The following HARBI1 variants were observed in gnomAD, a reference collection of about 807,000 sequenced individuals.
The protein encoded by HARBI1 is harbinger transposase derived 1, also known as putative nuclease HARBI1.
In HARBI1, 15 loss-of-function variants were observed where a neutral mutation model predicts 25.3. The observed-to-expected ratio is 0.59, with a 90% CI of 0.40 to 0.91. The LOEUF (loss-of-function observed/expected upper bound fraction) is 0.91. HARBI1 is among the 40% of genes least tolerant of loss of function. The pLI is 0.00. For synonymous variants in HARBI1, 168 were observed against 160.5 expected, an observed-to-expected ratio of 1.05 and a Z score of -0.35; for missense variants, 396 against 445.8, an observed-to-expected ratio of 0.89 and a Z score of 1.01.
chr11:46,603,949 T>C (rs769041192), intron 2 of HARBI1, 40 bp from the exon 3 acceptor site: 8 of 1,547,574 alleles, frequency 5.2e-6, no homozygotes, highest in Non-Finnish European at 7.0e-6. Context: ...TGACTATAAG[T>C]GGAATAGAAA....
At chr11:46,610,984 A>T (rs1420170922) in intron 2 of HARBI1, among the ~76,000 whole-genome samples, 1 of 150,210 alleles carries the variant, frequency 6.7e-6, no homozygotes, top group Non-Finnish European at 1.5e-5. Context: ...TAAAAATGTT[A>T]ATATTATTAT....
intron 2 of HARBI1, chr11:46,604,361 C>T (rs2044859715): frequency 5.0e-6 from 4 of 795,710 alleles, no homozygotes; most frequent in Non-Finnish European, 4.6e-6. Context: ...GCCAAGATCA[C>T]GCCATTGCAC....
In HARBI1 at chr11:46,603,162, T is replaced by C. The variant is rs1343296303; in HGVS notation, c.*368A>G. 6.2e-6 allele frequency: 1 copy of C among 160,224 alleles called. No homozygotes were observed. The highest frequency in any genetic ancestry group is 1.8e-4 in the East Asian group (1 of 5,520). The allele number at this position is 160,224 out of a possible 1,614,324, so 9.9% of individuals were successfully genotyped here. A position where few individuals can be genotyped will look rare whatever the true frequency, so the allele number is the denominator to read the frequency against. On this transcript the variant is annotated 3_prime_UTR_variant, in exon 3 of 3. Transcript: ENST00000326737. ...ACCCGGCCGCTAATTTTTGTATTTT[T>C]AGTAGAGACGGGGTTTCACCATGTT...
At chr11:46,608,434 G>A (rs2045041542) in intron 2 of HARBI1, among the ~76,000 whole-genome samples, 2 of 151,976 alleles carry the variant, frequency 1.3e-5, no homozygotes, top group Admixed American at 6.6e-5. Flanking sequence ...AGAGACTAGT[G>A]TTTTCCAAAT....
rs770206258 is a variant in HARBI1 at position 46,615,649 on chromosome 11, G to A, written c.589C>T (p.Leu197=). ...MTVETNWPGS[L]QDCAVLQQSS... is the part of the protein sequence containing the mutation. ...TGCTGCAGCACAGCACAGTCCTGTA[G>A]GCTGCCGGGCCAGTTTGTCTCCACG... The change falls in exon 2 of 3, where the codon CTA becomes TTA. Residue 197 remains leucine, a synonymous_variant. Coordinates refer to ENST00000326737, the MANE Select transcript of HARBI1 (RefSeq NM_173811.4). 1.9e-6 allele frequency: 3 copies of A among 1,614,080 alleles called. No homozygotes were observed. Among genetic ancestry groups the A allele is most frequent in the East Asian group, 4.5e-5 (2 of 44,900 alleles).
chr11:46,613,927 T>TTG (rs2045281382), intron 2 of HARBI1, among the ~76,000 whole-genome samples: 1 of 152,068 alleles, frequency 6.6e-6, no homozygotes, highest in South Asian at 2.1e-4. Flanking sequence ...CACCTTGACT[T>TTG]CCCAAAGTGC....
chr11:46,603,644 A>T lies in HARBI1; in HGVS notation c.936T>A (p.Ser312=), dbSNP rs759963705. Residue 312 remains serine (S), a synonymous_variant, in exon 3 of 3, where the codon TCT becomes TCA. Transcript: ENST00000326737. ...GCTGTTCCATGGGTCCTGTCATTGGAGAGGACCAAACATCCATCCCATGCT... is the reference window on the plus strand; with the variant it reads ...GCTGTTCCATGGGTCCTGTCATTGGTGAGGACCAAACATCCATCCCATGCT... The part of the protein sequence containing the change: ...SLEHGMDVWS[S]PMTGPMEQPP... 1 of 1,614,166 alleles carries T rather than the reference A, an allele frequency of 6.2e-7. No individual in the cohort carries two copies. Among genetic ancestry groups the T allele is most frequent in the Non-Finnish European group, 8.5e-7 (1 of 1,180,018 alleles).
chr11:46,616,633 G>A, intron 1 of HARBI1: 1 of 1,009,026 alleles, frequency 9.9e-7, no homozygotes, highest in Non-Finnish European at 1.2e-6. Flanking sequence ...AAGAATAATG[G>A]AGGTGATGAC....
intron 2 of HARBI1, among the ~76,000 whole-genome samples, chr11:46,608,017 G>A (rs536496790): frequency 3.6e-4 from 55 of 151,942 alleles, no homozygotes; most frequent in African/African-American, 1.1e-3. Flanking sequence ...ACAATTAGGC[G>A]GCCAGGTGCA....
intron 2 of HARBI1, among the ~76,000 whole-genome samples, chr11:46,612,908 G>A (rs936554715): frequency 6.6e-6 from 1 of 150,830 alleles, no homozygotes; most frequent in African/African-American, 2.4e-5. Context: ...CTGACATCAG[G>A]TGATCCGCTT....
intron 2 of HARBI1, chr11:46,604,620 T>TAC: frequency 1.0e-6 from 1 of 985,060 alleles, no homozygotes; most frequent in Non-Finnish European, 1.2e-6. Flanking sequence ...CTAAAAGCAC[T>TAC]ACCAAGGGAT....
At chr11:46,614,022 A>G (rs1041914114) in intron 2 of HARBI1, among the ~76,000 whole-genome samples, 1 of 152,118 alleles carries the variant, frequency 6.6e-6, no homozygotes, top group Non-Finnish European at 1.5e-5. Flanking sequence ...GTTTGCAATA[A>G]AAATTCTTGT....
At chr11:46,617,734 A>G, upstream of HARBI1, 1 of 398,406 alleles carries the variant, frequency 2.5e-6, no homozygotes, top group Admixed American at 4.4e-5. Flanking sequence ...CCTGCGAGCC[A>G]GGACCCTTCT....
intron 2 of HARBI1, among the ~76,000 whole-genome samples, chr11:46,606,871 G>A (rs2044974156): frequency 6.6e-6 from 1 of 152,120 alleles, no homozygotes; most frequent in Non-Finnish European, 1.5e-5. Flanking sequence ...TGAACTCCTG[G>A]CCTCAAGCAT....
At position 46,616,339 on chromosome 11, in the gene HARBI1, A is replaced by G. The variant is rs540502683; in HGVS notation, c.-102T>C. ...TTTTAAGAAAGTATCAGAATCCAAC[A>G]GCTAACCACAGTTAAATGGCTCTGC... On this transcript the variant is annotated 5_prime_UTR_variant, in exon 2 of 3. Coordinates refer to ENST00000326737, the MANE Select transcript of HARBI1 (RefSeq NM_173811.4). 1 of 1,497,092 alleles carries G rather than the reference A, an allele frequency of 6.7e-7. No individual in the cohort carries two copies. The highest frequency in any genetic ancestry group is 2.3e-5 in the East Asian group (1 of 43,828). 92.7% of individuals were successfully genotyped at this position (1,497,092 alleles called of 1,614,324 possible).
chr11:46,616,499 T>C (rs945529289), intron 1 of HARBI1, 118 bp from the exon 2 acceptor site: 6 of 1,251,934 alleles, frequency 4.8e-6, no homozygotes, highest in Non-Finnish European at 6.0e-6. Flanking sequence ...CGTACTGTAC[T>C]TACAACTCCG....
chr11:46,615,501 C>A (rs376140426), intron 2 of HARBI1, 67 bp downstream of exon 2: 29 of 1,373,228 alleles, frequency 2.1e-5, no homozygotes, highest in East Asian at 1.6e-4. Context: ...GTGTGAGCCA[C>A]CGCCCCCAGC....
chr11:46,605,009 T>C (rs2044882333), intron 2 of HARBI1, among the ~76,000 whole-genome samples: 1 of 152,208 alleles, frequency 6.6e-6, no homozygotes, highest in Non-Finnish European at 1.5e-5. Flanking sequence ...TTTCTTGTCC[T>C]GACTCACTGT....
intron 2 of HARBI1, among the ~76,000 whole-genome samples, chr11:46,609,070 C>G (rs1183326556): frequency 6.6e-6 from 1 of 151,532 alleles, no homozygotes; most frequent in Non-Finnish European, 1.5e-5. Flanking sequence ...ATTACAGGCG[C>G]CTGCCACCAC....
Sources: gnomAD v4.1 joint callset for allele counts (sites outside exome capture counted in the v4.1 genomes callset) on GRCh38, gnomAD v4.1.1 for gene constraint, MANE v1.5 for transcripts, NCBI Gene and HGNC (gene_info 2026-07-23, HGNC 2026-07-21) for gene names.